FAM50B: variants seen among roughly 807,000 people sequenced by gnomAD.
The protein encoded by FAM50B is protein FAM50B.
FAM50B carries 9 observed loss-of-function variants against 25.4 expected under a neutral mutation model. The observed-to-expected ratio is 0.35, with a 90% confidence interval of 0.21 to 0.62. FAM50B has a LOEUF of 0.62. FAM50B is among the 20% of genes least tolerant of loss of function. FAM50B has a pLI of 0.73. For missense variants in FAM50B, 372 were observed against 477.9 expected (o/e 0.78, Z 2.07); for synonymous variants, 212 against 204.3 (o/e 1.04, Z -0.32).
the FAM50B span, chr6:3,832,079 G>T: frequency 6.6e-6 from 1 of 152,222 alleles, no homozygotes; most frequent in Non-Finnish European, 1.5e-5. Context: ...TTTAATTAAA[G>T]TAAAGCCAAT....
chr6:3,840,490 C>T, the FAM50B span, among the ~76,000 whole-genome samples: 1 of 149,716 alleles, frequency 6.7e-6, no homozygotes, highest in Non-Finnish European at 1.5e-5. Flanking sequence ...ACAAAAAAAA[C>T]ATAGCATAGA....
In FAM50B at chr6:3,850,205, G is replaced by A. The variant is rs143961511; in HGVS notation, c.394G>A (p.Asp132Asn). ...FALDDLDDQADAAEARRAGNL... is the reference protein window; with the variant it reads ...FALDDLDDQANAAEARRAGNL... Reference sequence around the variant, plus strand: ...ACTAGACGACCTCGATGACCAGGCCGACGCGGCCGAGGCCAGGCGCGCCGG... The same window carrying A: ...ACTAGACGACCTCGATGACCAGGCCAACGCGGCCGAGGCCAGGCGCGCCGG... The change falls in exon 2 of 2, where the codon GAC (aspartate) becomes AAC (asparagine). Residue 132 changes from aspartate to asparagine, a missense_variant. Asp to Asn is a conservative substitution (Grantham distance 23). Around this residue, in one of 4 missense-constraint regions of FAM50B, gnomAD observed 224 missense variants for 232.2 expected, o/e 0.96. Coordinates refer to ENST00000648326, the MANE Select transcript of FAM50B (RefSeq NM_012135.3). 4.3e-6 allele frequency: 7 copies of A among 1,613,276 alleles called. No homozygotes were observed. The African/African-American group carries it at 6.7e-5, about 15-fold the overall frequency.
the FAM50B span, among the ~76,000 whole-genome samples, chr6:3,844,305 G>A: frequency 6.6e-6 from 1 of 152,004 alleles, no homozygotes; most frequent in Non-Finnish European, 1.5e-5. Flanking sequence ...ACAGAATGCT[G>A]CTCCCTCTCC....
At position 3,849,823 on chromosome 6, in the gene FAM50B, C is replaced by T. The variant is rs1199604520; in HGVS notation, c.12C>T (p.Tyr4=). 23 of 1,610,204 alleles carry T rather than the reference C, an allele frequency of 1.4e-5. No homozygotes were observed. Among genetic ancestry groups the T allele is most frequent in the Non-Finnish European group, 1.9e-5 (22 of 1,178,406 alleles). The change falls in exon 2 of 2, where the codon TAC becomes TAT. Residue 4 remains tyrosine (Y), a synonymous_variant. Transcript: ENST00000648326. MAQ[Y]KGTMREAGRA... is the part of the protein sequence containing the mutation. The stretch of plus-strand genomic sequence containing the variant: ...GGTAGGCGCGGGCCATGGCGCAGTA[C>T]AAGGGCACCATGCGCGAGGCAGGCC...
rs1365284451 is a variant in FAM50B, at chr6:3,851,222, T to C, written c.*433T>C. ...CAGTTTGGTCACCTGTAAAAGGAAA[T>C]AACAAGAGCACTTACTTTATAAGAT... On this transcript the variant is annotated 3_prime_UTR_variant, in exon 2 of 2. Transcript: ENST00000648326. 2 of 200,340 alleles carry C rather than the reference T, an allele frequency of 1.0e-5. No individual in the cohort carries two copies. The highest frequency in any genetic ancestry group is 2.3e-5 in the Non-Finnish European group (2 of 88,522). 12.4% of individuals were successfully genotyped at this position (200,340 alleles called of 1,614,324 possible).
chr6:3,850,734 G>C lies in FAM50B; in HGVS notation c.923G>C (p.Ser308Thr), dbSNP rs778172840. 7 of 1,614,038 alleles carry C rather than the reference G, an allele frequency of 4.3e-6. No homozygotes were observed. The highest frequency in any genetic ancestry group is 3.4e-6 in the Non-Finnish European group (4 of 1,180,026). The change falls in exon 2 of 2, where the codon AGC becomes ACC. Residue 308 changes from serine (S) to threonine (T), a missense_variant. Physicochemically the swap from Ser to Thr is moderately conservative, Grantham distance 58. This residue lies in a region of FAM50B where 57 missense variants were observed against 65.8 expected (regional missense o/e 0.87). Transcript: ENST00000648326. The stretch of plus-strand genomic sequence containing the variant: ...AAGAACAAGCACATCTTCCCCGCCA[G>C]CCGCTGGGAGGCCTATGACCCCGAG... Reference protein sequence around the residue: ...YEKNKHIFPASRWEAYDPEKK... With the variant: ...YEKNKHIFPATRWEAYDPEKK...
In FAM50B at chr6:3,850,091, C is replaced by G. The variant is rs755338605; in HGVS notation, c.280C>G (p.Leu94Val). 1 of 1,610,342 alleles carries G rather than the reference C, an allele frequency of 6.2e-7. No individual in the cohort carries two copies. The highest frequency in any genetic ancestry group is 1.7e-5 in the Admixed American group (1 of 59,668). Residue 94 changes from leucine (L) to valine (V), a missense_variant, in exon 2 of 2, where the codon CTG becomes GTG. This residue lies in a region of FAM50B where 224 missense variants were observed against 232.2 expected (regional missense o/e 0.96). Transcript: ENST00000648326. ...RERQLAKRQH[L>V]EEQRLQQERQ... ...GCGGCAGCTGGCCAAGCGCCAGCACCTGGAGGAGCAGCGGCTGCAGCAGGA... is the reference window on the plus strand; with the variant it reads ...GCGGCAGCTGGCCAAGCGCCAGCACGTGGAGGAGCAGCGGCTGCAGCAGGA...
At chr6:3,842,059 G>C in the FAM50B span, among the ~76,000 whole-genome samples, 1 of 152,236 alleles carries the variant, frequency 6.6e-6, no homozygotes, top group Non-Finnish European at 1.5e-5. Flanking sequence ...TCCAAGTTGG[G>C]AGGAAAATAA....
At chr6:3,843,039 A>G in the FAM50B span, among the ~76,000 whole-genome samples, 1 of 152,176 alleles carries the variant, frequency 6.6e-6, no homozygotes, top group African/African-American at 2.4e-5. Context: ...TTGCCATTCT[A>G]TTTATAATTA....
the FAM50B span, among the ~76,000 whole-genome samples, chr6:3,842,828 A>G: frequency 5.3e-5 from 8 of 152,248 alleles, no homozygotes; most frequent in Non-Finnish European, 1.2e-4. Context: ...ACGTTTCTAA[A>G]AAATACTTTT....
At chr6:3,849,586 C>T in intron 1 of FAM50B, 100 bp downstream of exon 1, 3 of 720,484 alleles carry the variant, frequency 4.2e-6, no homozygotes, top group Admixed American at 3.2e-5. Flanking sequence ...GGGCCGTTCG[C>T]ATTTGCATTT....
Position 3,849,501 on chromosome 6 carries a change from A to G in FAM50B, c.-24+15A>G, listed in dbSNP as rs1054269922. The G allele has an allele frequency of 3.5e-5, 12 of 344,314 alleles. No homozygotes were observed. Among genetic ancestry groups the G allele is most frequent in the Non-Finnish European group, 5.8e-5 (11 of 188,200 alleles). 21.3% of individuals were successfully genotyped at this position (344,314 alleles called of 1,614,324 possible). A position where few individuals can be genotyped will look rare whatever the true frequency, so the allele number is the denominator to read the frequency against. ...TGCTTGGGCAGGTAAGGGTCCGCTC[A>G]GTAGCCCAACCCTCTCTGTATGCAG... On this transcript the variant is annotated intron_variant, in intron 1 of 1. Coordinates refer to ENST00000648326, the MANE Select transcript of FAM50B (RefSeq NM_012135.3).
At chr6:3,834,681 T>C in the FAM50B span, among the ~76,000 whole-genome samples, 1 of 152,112 alleles carries the variant, frequency 6.6e-6, no homozygotes, top group Non-Finnish European at 1.5e-5. Context: ...AGAATGATCA[T>C]TATAGAGTTA....
chr6:3,838,018 G>C, the FAM50B span, among the ~76,000 whole-genome samples: 2 of 152,190 alleles, frequency 1.3e-5, no homozygotes, highest in Admixed American at 1.3e-4. Flanking sequence ...AGAATGCAGA[G>C]GAACTGGAAC....
Position 3,849,373 on chromosome 6 carries a change from A to G in FAM50B, c.-137A>G, listed in dbSNP as rs894190663. ...CCCCGCCAGGGGGCGCACCGCCTCC[A>G]CTTCCTGTGTCCACGGCTGTCGCGA... On this transcript the variant is annotated 5_prime_UTR_variant, in exon 1 of 2. Coordinates refer to ENST00000648326, the MANE Select transcript of FAM50B (RefSeq NM_012135.3). 2 of 157,834 alleles carry G rather than the reference A, an allele frequency of 1.3e-5. No individual in the cohort carries two copies. Among genetic ancestry groups the G allele is most frequent in the Non-Finnish European group, 2.8e-5 (2 of 72,016 alleles). The allele number at this position is 157,834 out of a possible 1,614,324, so 9.8% of individuals were successfully genotyped here. A position where few individuals can be genotyped will look rare whatever the true frequency, so the allele number is the denominator to read the frequency against.
the FAM50B span, among the ~76,000 whole-genome samples, chr6:3,839,067 G>A: frequency 2.6e-5 from 4 of 151,602 alleles, no homozygotes; most frequent in Non-Finnish European, 5.9e-5. Flanking sequence ...ACCTGAGATC[G>A]GGTGATTTAT....
At chr6:3,848,639 T>TA (rs1762152434), upstream of FAM50B, among the ~76,000 whole-genome samples, 1 of 152,178 alleles carries the variant, frequency 6.6e-6, no homozygotes, top group African/African-American at 2.4e-5. Flanking sequence ...CGGCGAGTGT[T>TA]ACCAGATCTC....
At chr6:3,847,824 T>G (rs2113027208), upstream of FAM50B, among the ~76,000 whole-genome samples, 1 of 152,346 alleles carries the variant, frequency 6.6e-6, no homozygotes, top group East Asian at 1.9e-4. Flanking sequence ...TCTTTTCACT[T>G]GAACACTTAG....
the FAM50B span, among the ~76,000 whole-genome samples, chr6:3,836,855 G>A: frequency 6.6e-6 from 1 of 152,204 alleles, no homozygotes; most frequent in Non-Finnish European, 1.5e-5. Context: ...TGAAGCCAAG[G>A]ACAGAGGGAG....
Sources: allele counts gnomAD v4.1 joint callset (sites outside exome capture counted in the v4.1 genomes callset), GRCh38; gene constraint gnomAD v4.1.1; regional missense constraint gnomAD v4.1.1; transcripts MANE v1.5; gene names NCBI Gene and HGNC (gene_info 2026-07-23, HGNC 2026-07-21).